The following CACNA2D4 variants were observed in gnomAD, a reference collection of about 807,000 sequenced individuals.
CACNA2D4 encodes calcium voltage-gated channel auxiliary subunit alpha2delta 4.
Under a neutral mutation model 163.8 loss-of-function variants are expected in CACNA2D4, and 157 were observed. The observed-to-expected ratio is 0.96, with a 90% CI of 0.84 to 1.09. The LOEUF (loss-of-function observed/expected upper bound fraction) is 1.09. CACNA2D4 is among the 50% of genes least tolerant of loss of function. The pLI is 0.00. For missense variants in CACNA2D4, 1,410 were observed against 1,479.9 expected, an observed-to-expected ratio of 0.95 and a Z score of 0.78; for synonymous variants, 598 against 586.9, an observed-to-expected ratio of 1.02 and a Z score of -0.27.
intron 3 of CACNA2D4, among the ~76,000 whole-genome samples, chr12:1,912,527 G>A (rs1025984877): frequency 6.6e-6 from 1 of 152,242 alleles, no homozygotes; most frequent in African/African-American, 2.4e-5. Context: ...ATGAAGGTGG[G>A]TCCTGATGGC....
At chr12:1,847,166 C>A (rs1440435947) in intron 23 of CACNA2D4, among the ~76,000 whole-genome samples, 1 of 152,204 alleles carries the variant, frequency 6.6e-6, no homozygotes, top group African/African-American at 2.4e-5. Context: ...CAGGAGAAGT[C>A]CCAACGGACC....
At chr12:1,862,025 C>T (rs532664489) in intron 18 of CACNA2D4, among the ~76,000 whole-genome samples, 19 of 152,296 alleles carry the variant, frequency 1.2e-4, no homozygotes, top group Non-Finnish European at 2.2e-4. Flanking sequence ...ATGTTTTCAG[C>T]GTCCGTCTAT....
chr12:1,899,736 C>CA (rs924982470), intron 6 of CACNA2D4, among the ~76,000 whole-genome samples: 49 of 152,106 alleles, frequency 3.2e-4, no homozygotes, highest in Middle Eastern at 3.4e-3. Context: ...CAAATACTTC[C>CA]AAAAACCAGA....
chr12:1,834,840 G>A lies in CACNA2D4; in HGVS notation c.2551+5899C>T. On this transcript the variant is annotated intron_variant, in intron 26 of 37. Coordinates refer to ENST00000382722, the MANE Select transcript of CACNA2D4 (RefSeq NM_172364.5). The surrounding 1 kb of genome is among the most constrained non-coding windows in gnomAD (Gnocchi z 7.6). ...CCTCCCCGAGTCCACCCTCCTCCCCGCCCTCCAGCAGACAAGCCACACCGG... is the reference window on the plus strand; with the variant it reads ...CCTCCCCGAGTCCACCCTCCTCCCCACCCTCCAGCAGACAAGCCACACCGG... 3 of 1,431,942 alleles carry A rather than the reference G, an allele frequency of 2.1e-6. No homozygotes were observed. The highest frequency in any genetic ancestry group is 1.8e-6 in the Non-Finnish European group (2 of 1,095,864). The allele number at this position is 1,431,942 out of a possible 1,614,324, so 88.7% of individuals were successfully genotyped here.
intron 6 of CACNA2D4, among the ~76,000 whole-genome samples, chr12:1,888,780 A>G (rs1014970905): frequency 6.6e-6 from 1 of 152,242 alleles, no homozygotes; most frequent in Non-Finnish European, 1.5e-5. Flanking sequence ...GAAAGAGAAA[A>G]GGGAGAGCAT....
Position 1,869,279 on chromosome 12 carries a change from C to T in CACNA2D4, c.1878+5325G>A, listed in dbSNP as rs1449913477. ...TTGCAGACAGAAGTGCAGCAGTAGC[C>T]GTTTTGCACACTGAAGTCCGCACAG... On this transcript the variant is annotated intron_variant, in intron 18 of 37. Transcript: ENST00000382722. The surrounding 1 kb of genome is among the most constrained non-coding windows in gnomAD (Gnocchi z 4.7). 3.3e-5 allele frequency among the ~76,000 whole-genome samples: 5 copies of T among 152,184 alleles called. No homozygotes were observed. The East Asian group carries it at 5.8e-4, about 18-fold the overall frequency.
In CACNA2D4 at chr12:1,853,935, G is replaced by C; in HGVS notation, c.2246+16C>G. On this transcript the variant is annotated intron_variant, in intron 23 of 37. Transcript: ENST00000382722. Reference sequence around the variant, plus strand: ...GGGGCTGGTTGGGGCCTGGGAACCTGGGAACCTGGACCTACTCGGACATGT... The same window carrying C: ...GGGGCTGGTTGGGGCCTGGGAACCTCGGAACCTGGACCTACTCGGACATGT... The C allele has an allele frequency of 6.2e-7, 1 of 1,605,204 alleles. No individual in the cohort carries two copies. Among genetic ancestry groups the C allele is most frequent in the East Asian group, 2.2e-5 (1 of 44,736 alleles).
Position 1,896,654 on chromosome 12 carries a change from C to CACAAAAAA in CACNA2D4, c.782-9586_782-9585insTTTTTTGT, listed in dbSNP as rs1555186444. ...ACACACACACACACACACACACACA[C>CACAAAAAA]AAAACAGATGCTAGCAAGGATGCAG... is the stretch of plus-strand genomic sequence containing the variant. On this transcript the variant is annotated intron_variant, in intron 6 of 37. Coordinates refer to ENST00000382722, the MANE Select transcript of CACNA2D4 (RefSeq NM_172364.5). 1.2e-3 allele frequency among the ~76,000 whole-genome samples: 144 copies of CACAAAAAA among 123,994 alleles called. 1 individual carries two copies. The highest frequency in any genetic ancestry group is 4.1e-3 in the African/African-American group (137 of 33,798). 81.3% of individuals were successfully genotyped at this position (123,994 alleles called of 152,430 possible).
At chr12:1,808,785 C>T (rs534175212) in intron 29 of CACNA2D4, among the ~76,000 whole-genome samples, 1 of 152,362 alleles carries the variant, frequency 6.6e-6, no homozygotes, top group East Asian at 1.9e-4. Context: ...TCAGTGATCC[C>T]AGAGCCTCAC....
chr12:1,911,114 C>A (rs143449766), intron 3 of CACNA2D4, among the ~76,000 whole-genome samples: 1 of 151,248 alleles, frequency 6.6e-6, no homozygotes, highest in East Asian at 1.9e-4. Flanking sequence ...ACCCCCTCCT[C>A]CCAGGTTCAA....
At chr12:1,812,323 A>G (rs1863739577) in intron 26 of CACNA2D4, among the ~76,000 whole-genome samples, 1 of 152,188 alleles carries the variant, frequency 6.6e-6, no homozygotes, top group Admixed American at 6.5e-5. Context: ...TACAGGCACC[A>G]CCAGCTGGCA....
chr12:1,801,535 T>G, intron 30 of CACNA2D4, 39 bp downstream of exon 30: 1 of 1,466,588 alleles, frequency 6.8e-7, no homozygotes, highest in Non-Finnish European at 9.4e-7. Context: ...CTCGGTTTGC[T>G]GTGTCTATTT....
intron 29 of CACNA2D4, among the ~76,000 whole-genome samples, chr12:1,804,935 T>C (rs1863480261): frequency 6.6e-6 from 1 of 152,258 alleles, no homozygotes; most frequent in South Asian, 2.1e-4. Context: ...TAGTTTCTTT[T>C]GAACTTTGTC....
intron 1 of CACNA2D4, 35 bp from the exon 2 acceptor site, chr12:1,914,970 A>G: frequency 7.0e-7 from 1 of 1,431,010 alleles, no homozygotes; most frequent in Non-Finnish European, 9.9e-7. Context: ...GTATACACAC[A>G]CGTACACGCA....
At chr12:1,831,662 G>C in intron 26 of CACNA2D4, 2 of 714,536 alleles carry the variant, frequency 2.8e-6, no homozygotes, top group Non-Finnish European at 4.6e-6. Flanking sequence ...CTCTGTGCCA[G>C]CTCGGCTAGA....
At position 1,806,308 on chromosome 12, in the gene CACNA2D4, G is replaced by C. The variant is rs1863535754; in HGVS notation, c.2721+3970C>G. ...CTTTCTAGGCCCCACATCGAGGGTT[G>C]CAATCTTGTCATCCATAACTCTTAT... On this transcript the variant is annotated intron_variant, in intron 29 of 37. Transcript: ENST00000382722. The surrounding 1 kb of genome is among the most constrained non-coding windows in gnomAD (Gnocchi z 4.1). Among the ~76,000 whole-genome samples, 1 of 152,156 alleles carries C rather than the reference G, an allele frequency of 6.6e-6. No homozygotes were observed. The highest frequency in any genetic ancestry group is 2.4e-5 in the African/African-American group (1 of 41,410).
Position 1,796,555 on chromosome 12 carries a change from G to A in CACNA2D4, c.3114-775C>T, listed in dbSNP as rs575811579. Among the ~76,000 whole-genome samples the A allele has an allele frequency of 2.2e-3, 339 of 152,312 alleles. 1 individual carries two copies. The highest frequency in any genetic ancestry group is 3.8e-3 in the Non-Finnish European group (261 of 68,028). On this transcript the variant is annotated intron_variant, in intron 35 of 37. Transcript: ENST00000382722. ...TCCGGAGCCCGCTGGCTCTATCCTC[G>A]CACCGAGCCTTTGCGACAAGTGCAC...
intron 20 of CACNA2D4, among the ~76,000 whole-genome samples, chr12:1,857,399 T>A (rs1357705698): frequency 6.6e-6 from 1 of 152,160 alleles, no homozygotes; most frequent in African/African-American, 2.4e-5. Context: ...TGGGCAGACT[T>A]GGCATTTCTA....
At position 1,879,058 on chromosome 12, in the gene CACNA2D4, G is replaced by A. The variant is rs1865939634; in HGVS notation, c.1564-22C>T. ...ATCGCTGGAAGGAAAGACACAAGGG[G>A]TGGGGGAGACCCAGCTTCCCTGTGT... On this transcript the variant is annotated intron_variant, in intron 14 of 37. Coordinates refer to ENST00000382722, the MANE Select transcript of CACNA2D4 (RefSeq NM_172364.5). 4.4e-6 allele frequency: 7 copies of A among 1,604,984 alleles called. No individual in the cohort carries two copies. The East Asian group carries it at 1.6e-4, about 36-fold the overall frequency.
Sources: gnomAD v4.1 joint callset for allele counts (sites outside exome capture counted in the v4.1 genomes callset) on GRCh38, gnomAD v4.1.1 for gene constraint, Gnocchi (gnomAD v3.1) non-coding constraint, MANE v1.5 for transcripts, NCBI Gene and HGNC (gene_info 2026-07-23, HGNC 2026-07-21) for gene names.